MROH2A: variants seen among roughly 807,000 people sequenced by gnomAD.
MROH2A encodes maestro heat-like repeat-containing protein family member 2A.
In MROH2A, 174 loss-of-function variants were observed where a neutral mutation model predicts 200.4. The observed-to-expected ratio is 0.87, with a 90% confidence interval of 0.77 to 0.98. The LOEUF is 0.98. Among genes scored for constraint, MROH2A ranks in the 50% least tolerant of loss-of-function variants. The probability of loss-of-function intolerance (pLI) is 0.00; values close to 1 mark genes in which losing one functional copy is unlikely to be tolerated. For missense variants in MROH2A, 2,045 were observed against 2,139.6 expected (o/e 0.96, Z 0.87); for synonymous variants, 829 against 840.4 (o/e 0.99, Z 0.23).
chr2:233,776,216 C>T (rs536221925), upstream of MROH2A, among the ~76,000 whole-genome samples: 5 of 152,226 alleles, frequency 3.3e-5, no homozygotes, highest in East Asian at 5.8e-4. Flanking sequence ...ACGAATAAAG[C>T]GTTTTCTTAT....
chr2:233,820,024 A>G lies in MROH2A; in HGVS notation c.3480A>G (p.Thr1160=), dbSNP rs1208234015. The change falls in exon 31 of 42, where the codon ACA becomes ACG. Residue 1160 remains threonine (T), a synonymous_variant. Coordinates refer to ENST00000389758, the MANE Select transcript of MROH2A (RefSeq NM_001394639.1). This position sits in a 1 kb window ranked among gnomAD's most constrained non-coding sequence, Gnocchi z 4.1. ...LAHHHQETIL[T]SLLRQPLPME... is the part of the protein sequence containing the mutation. ...ACCACCACCAGGAGACCATCCTCACATCGCTCCTGAGGCAGCCACTGCCCA... is the reference window on the plus strand; with the variant it reads ...ACCACCACCAGGAGACCATCCTCACGTCGCTCCTGAGGCAGCCACTGCCCA... 9.1e-6 allele frequency: 14 copies of G among 1,542,374 alleles called. No individual in the cohort carries two copies. The Admixed American group carries it at 2.8e-4, about 31-fold the overall frequency.
At position 233,793,558 on chromosome 2, in the gene MROH2A, G is replaced by A. The variant is rs1198577899; in HGVS notation, c.671-115G>A. 3 of 1,027,750 alleles carry A rather than the reference G, an allele frequency of 2.9e-6. No individual in the cohort carries two copies. The Admixed American group carries it at 1.2e-4, about 41-fold the overall frequency. 63.7% of individuals were successfully genotyped at this position (1,027,750 alleles called of 1,614,324 possible). ...TGGGGGGTTGGAAGGGCAGGGTGCA[G>A]CCTGCTCGCTACGGCAAGGCATGAG... On this transcript the variant is annotated intron_variant, in intron 6 of 41. Coordinates refer to ENST00000389758, the MANE Select transcript of MROH2A (RefSeq NM_001394639.1).
chr2:233,823,431 C>T lies in MROH2A; in HGVS notation c.4005-125C>T, dbSNP rs150521211. 6.2e-4 allele frequency: 735 copies of T among 1,192,840 alleles called. 2 individuals are homozygous for T. The African/African-American group carries it at 6.5e-3, about 11-fold the overall frequency. The allele number at this position is 1,192,840 out of a possible 1,614,324, so 73.9% of individuals were successfully genotyped here. The stretch of plus-strand genomic sequence containing the variant: ...AGGAGGGAGAAACCCAGAGATGTTA[C>T]GACATCTTTCCGGGGTTATCTTGCC... On this transcript the variant is annotated intron_variant, in intron 34 of 41. Coordinates refer to ENST00000389758, the MANE Select transcript of MROH2A (RefSeq NM_001394639.1).
upstream of MROH2A, among the ~76,000 whole-genome samples, chr2:233,776,278 G>T (rs1266513698): frequency 6.6e-6 from 1 of 151,898 alleles, no homozygotes; most frequent in East Asian, 1.9e-4. Context: ...TAGAGTGACA[G>T]CACCTAAGAG....
chr2:233,796,049 A>G lies in MROH2A; in HGVS notation c.1138+4A>G. Reference sequence around the variant, plus strand: ...GTGCACTGCTTCGTAGCCCTTGGTGAGGCTCTGCGGCAGGGTGCTCCCTGC... The same window carrying G: ...GTGCACTGCTTCGTAGCCCTTGGTGGGGCTCTGCGGCAGGGTGCTCCCTGC... On this transcript the variant is annotated splice_donor_region_variant and intron_variant, in intron 10 of 41. Transcript: ENST00000389758. 1.3e-6 allele frequency: 2 copies of G among 1,550,260 alleles called. No individual in the cohort carries two copies. The highest frequency in any genetic ancestry group is 1.7e-6 in the Non-Finnish European group (2 of 1,146,786).
chr2:233,816,606 GA>G, intron 26 of MROH2A, among the ~76,000 whole-genome samples, 174 bp from the exon 27 acceptor site: 1 of 152,150 alleles, frequency 6.6e-6, no homozygotes, highest in East Asian at 1.9e-4. Context: ...GAATGCTGGG[GA>G]TGCTCTTTCC....
At position 233,814,630 on chromosome 2, in the gene MROH2A, C is replaced by T. The variant is rs561617103; in HGVS notation, c.2809C>T (p.Leu937Phe). ...CTCCCTGGAGCAGCTGATGGAGAGCCTCCTGCAGAGGCAGCTGGACCCCAA... is the reference window on the plus strand; with the variant it reads ...CTCCCTGGAGCAGCTGATGGAGAGCTTCCTGCAGAGGCAGCTGGACCCCAA... ...LSSLEQLMES[L>F]LQRQLDPKGL... Residue 937 changes from leucine (L) to phenylalanine (F), a missense_variant, in exon 26 of 42, where the codon CTC (leucine) becomes TTC (phenylalanine). By Grantham distance (22) the Leu-to-Phe change is conservative (BLOSUM62 0). Around this residue, in one of 3 missense-constraint regions of MROH2A, gnomAD observed 1,201 missense variants for 1,311.3 expected, o/e 0.92. Transcript: ENST00000389758. The T allele has an allele frequency of 6.4e-7, 1 of 1,550,526 alleles. No individual in the cohort carries two copies. The highest frequency in any genetic ancestry group is 1.2e-5 in the South Asian group (1 of 84,044).
chr2:233,794,315 C>T, intron 7 of MROH2A, 48 bp from the exon 8 acceptor site: 6 of 1,399,594 alleles, frequency 4.3e-6, no homozygotes, highest in Non-Finnish European at 5.9e-6. Flanking sequence ...ACTGGCCTTG[C>T]TGGAGGGTGG....
chr2:233,815,845 C>CTT lies in MROH2A; in HGVS notation c.2857-918_2857-917dup, dbSNP rs5839494. Among the ~76,000 whole-genome samples the CTT allele has an allele frequency of 3.3e-4, 43 of 129,242 alleles. No individual in the cohort carries two copies. In the East Asian group the frequency reaches 5.7e-3, roughly 17 times the overall value. 84.8% of individuals were successfully genotyped at this position (129,242 alleles called of 152,430 possible). On this transcript the variant is annotated intron_variant, in intron 26 of 41. Transcript: ENST00000389758. Reference sequence around the variant, plus strand: ...AGATAATGTAAGTCCTTAGATTTTGCTTTTTTTTTTTTTTTTTTTGCTGCA... The same window carrying CTT: ...AGATAATGTAAGTCCTTAGATTTTGCTTTTTTTTTTTTTTTTTTTTTGCTGCA...
Position 233,829,552 on chromosome 2 carries a change from G to A in MROH2A, c.4447-68G>A. The A allele has an allele frequency of 2.2e-6, 3 of 1,339,320 alleles. No individual in the cohort carries two copies. In the Admixed American group the frequency reaches 1.1e-4, roughly 50 times the overall value. 83.0% of individuals were successfully genotyped at this position (1,339,320 alleles called of 1,614,324 possible). A position where few individuals can be genotyped will look rare whatever the true frequency, so the allele number is the denominator to read the frequency against. On this transcript the variant is annotated intron_variant, in intron 37 of 41. Coordinates refer to ENST00000389758, the MANE Select transcript of MROH2A (RefSeq NM_001394639.1). ...GGACCAAGGCATTGGGTATTCCTTG[G>A]AGAATGGCTGGGGTTTTGCTGGGCT...
In MROH2A at chr2:233,820,157, C is replaced by A; in HGVS notation, c.3512+101C>A. 1 of 1,040,538 alleles carries A rather than the reference C, an allele frequency of 9.6e-7. No individual in the cohort carries two copies. The highest frequency in any genetic ancestry group is 1.3e-6 in the Non-Finnish European group (1 of 766,326). 64.5% of individuals were successfully genotyped at this position (1,040,538 alleles called of 1,614,324 possible). Reference sequence around the variant, plus strand: ...CAGAAGCCTGGAGCCTTGGGCAGTACCCTGCCCCACCCTGAAGGAGGTCGA... The same window carrying A: ...CAGAAGCCTGGAGCCTTGGGCAGTAACCTGCCCCACCCTGAAGGAGGTCGA... On this transcript the variant is annotated intron_variant, in intron 31 of 41. Coordinates refer to ENST00000389758, the MANE Select transcript of MROH2A (RefSeq NM_001394639.1). The surrounding 1 kb of genome is among the most constrained non-coding windows in gnomAD (Gnocchi z 4.1).
At chr2:233,794,001 T>C (rs958460482) in intron 7 of MROH2A, among the ~76,000 whole-genome samples, 177 bp downstream of exon 7, 1 of 152,134 alleles carries the variant, frequency 6.6e-6, no homozygotes, top group Non-Finnish European at 1.5e-5. Flanking sequence ...AGCTGGGACC[T>C]AGGAGCCTCA....
chr2:233,803,556 C>A (rs1373793134), intron 16 of MROH2A, 68 bp downstream of exon 16: 3 of 1,509,272 alleles, frequency 2.0e-6, no homozygotes, highest in African/African-American at 1.4e-5. Flanking sequence ...CTTCTTTAAA[C>A]TCCTAATTCC....
intron 15 of MROH2A, 74 bp downstream of exon 15, chr2:233,802,389 C>T: frequency 6.9e-7 from 1 of 1,441,134 alleles, no homozygotes; most frequent in Non-Finnish European, 9.3e-7. Flanking sequence ...GCCCACCCCT[C>T]TCCACATTCC....
intron 35 of MROH2A, among the ~76,000 whole-genome samples, chr2:233,825,833 G>T (rs893148010): frequency 3.3e-5 from 5 of 151,312 alleles, no homozygotes; most frequent in African/African-American, 1.2e-4. Context: ...TGACCTCATA[G>T]AATGAGTTAG....
chr2:233,790,807 A>G (rs1701714585), intron 5 of MROH2A, among the ~76,000 whole-genome samples: 1 of 151,874 alleles, frequency 6.6e-6, no homozygotes, highest in African/African-American at 2.4e-5. Flanking sequence ...TAAGACACAC[A>G]TGGCTCCGGT....
At chr2:233,808,392 G>C (rs1282630287) in intron 21 of MROH2A, among the ~76,000 whole-genome samples, 1 of 152,192 alleles carries the variant, frequency 6.6e-6, no homozygotes, top group Non-Finnish European at 1.5e-5. Flanking sequence ...CTATCCTCTG[G>C]AGGCTGCCCC....
Position 233,822,552 on chromosome 2 carries a change from CA to C in MROH2A, c.3865del (p.Arg1289GlyfsTer42). The C allele has an allele frequency of 6.5e-7, 1 of 1,549,236 alleles. No individual in the cohort carries two copies. Among genetic ancestry groups the C allele is most frequent in the Non-Finnish European group, 8.7e-7 (1 of 1,146,914 alleles). ...TCCTCTGCCGGAGGAGATGAACCTG[CA>C]AAGGTGCTCTCGAGGGCGGTGGGTG... ...TTPLPEEMNL[Q>X]RVTIKSMQLL... On this transcript the variant is annotated frameshift_variant, in exon 33 of 42. Transcript: ENST00000389758. LOFTEE classifies it high-confidence loss of function.
chr2:233,810,212 G>T (rs1703066590), intron 22 of MROH2A, among the ~76,000 whole-genome samples: 1 of 152,182 alleles, frequency 6.6e-6, no homozygotes. Context: ...ATTAGTTCGT[G>T]TTAACGCTGC....
Sources: gnomAD v4.1 joint callset for allele counts (sites outside exome capture counted in the v4.1 genomes callset) on GRCh38, gnomAD v4.1.1 for gene constraint, gnomAD v4.1.1 regional missense constraint, Gnocchi (gnomAD v3.1) non-coding constraint, MANE v1.5 for transcripts, NCBI Gene and HGNC (gene_info 2026-07-23, HGNC 2026-07-21) for gene names.